Variants in GLI3 observed in about 807,000 individuals in gnomAD.
GLI3 encodes GLI family zinc finger 3.
A neutral mutation model predicts 100.8 loss-of-function variants in GLI3; 20 were observed. The observed-to-expected ratio is 0.20, with a 90% CI of 0.14 to 0.29. The LOEUF (loss-of-function observed/expected upper bound fraction) is 0.29, where lower values mean the gene tolerates loss of function less well. Ranked by LOEUF, GLI3 falls within the 10% of genes least tolerant of loss-of-function variation. The pLI is 1.00. For synonymous variants in GLI3, 938 were observed against 860.5 expected (o/e 1.09, Z -1.58); for missense variants, 2,040 against 2,128.5 (o/e 0.96, Z 0.82).
chr7:42,134,029 C>A (rs964245693), intron 3 of GLI3, among the ~76,000 whole-genome samples: 1 of 147,772 alleles, frequency 6.8e-6, no homozygotes, highest in Non-Finnish European at 1.5e-5. Context: ...TGCAGTGAGC[C>A]GAGATTGTGC....
intron 3 of GLI3, among the ~76,000 whole-genome samples, chr7:42,110,082 G>A (rs566243027): frequency 3.4e-4 from 51 of 152,196 alleles, no homozygotes; most frequent in Middle Eastern, 3.4e-3. Flanking sequence ...GCCTGAAGGC[G>A]GCCACAGATA....
At position 42,172,793 on chromosome 7, in the gene GLI3, A is replaced by G. The variant is rs374705385; in HGVS notation, c.125-24325T>C. ...TATCACCTTCTATTTAACAAAGCAC[A>G]AGCCATTTATGACTCTCAAAGAGCC... On this transcript the variant is annotated intron_variant, in intron 2 of 14. Coordinates refer to ENST00000395925, the MANE Select transcript of GLI3 (RefSeq NM_000168.6). 1.2e-4 allele frequency: 73 copies of G among 595,868 alleles called. 1 individual carries two copies. The South Asian group carries it at 1.4e-3, about 12-fold the overall frequency. 36.9% of individuals were successfully genotyped at this position (595,868 alleles called of 1,614,324 possible).
chr7:42,228,601 A>T (rs1788632437), intron 1 of GLI3, among the ~76,000 whole-genome samples: 1 of 152,190 alleles, frequency 6.6e-6, no homozygotes, highest in Non-Finnish European at 1.5e-5. Context: ...GGCTCTTTTA[A>T]CTGGCTGAAT....
chr7:42,199,353 A>AT (rs1445174800), intron 2 of GLI3, among the ~76,000 whole-genome samples: 1 of 152,184 alleles, frequency 6.6e-6, no homozygotes, highest in Non-Finnish European at 1.5e-5. Context: ...TCTATTTCTA[A>AT]TAAGTTTACA....
intron 3 of GLI3, among the ~76,000 whole-genome samples, chr7:42,092,894 A>G (rs1785256093): frequency 6.6e-6 from 1 of 151,434 alleles, no homozygotes; most frequent in Admixed American, 6.6e-5. Context: ...GCTCACTGCA[A>G]CCTCCGTCTC....
intron 4 of GLI3, among the ~76,000 whole-genome samples, chr7:42,071,924 T>C (rs1402105745): frequency 6.6e-6 from 1 of 151,742 alleles, no homozygotes; most frequent in African/African-American, 2.4e-5. Context: ...CTTACTTAGG[T>C]GGAATGATTC....
At chr7:42,114,917 A>G (rs10264834) in intron 3 of GLI3, among the ~76,000 whole-genome samples, 11,470 of 151,830 alleles carry the variant, frequency 0.076, 1,348 homozygotes, top group African/African-American at 0.25. Context: ...AGCCAGGCTG[A>G]TCTCAAACTC....
At position 42,199,853 on chromosome 7, in the gene GLI3, C is replaced by T. The variant is rs541161988; in HGVS notation, c.124+23277G>A. On this transcript the variant is annotated intron_variant, in intron 2 of 14. Coordinates refer to ENST00000395925, the MANE Select transcript of GLI3 (RefSeq NM_000168.6). ...GGCGGATCACATAAGGTCAGGAGTT[C>T]GAGACCAGCCTGGCCTACATGGTGA... Among the ~76,000 whole-genome samples, 6 of 152,206 alleles carry T rather than the reference C, an allele frequency of 3.9e-5. 1 individual carries two copies. In the South Asian group the frequency reaches 6.2e-4, roughly 16 times the overall value.
At chr7:42,179,181 C>T (rs1419719654) in intron 2 of GLI3, among the ~76,000 whole-genome samples, 1 of 152,152 alleles carries the variant, frequency 6.6e-6, no homozygotes, top group African/African-American at 2.4e-5. Context: ...TTTCCCTGCA[C>T]AAACTCTCCT....
chr7:42,206,318 G>C (rs1016794989), intron 2 of GLI3, among the ~76,000 whole-genome samples: 1 of 151,250 alleles, frequency 6.6e-6, no homozygotes, highest in South Asian at 2.1e-4. Context: ...AATTCTAAAG[G>C]GATACTTTTA....
At chr7:42,099,043 G>A (rs1186731710) in intron 3 of GLI3, among the ~76,000 whole-genome samples, 3 of 152,076 alleles carry the variant, frequency 2.0e-5, no homozygotes, top group Admixed American at 6.6e-5. Context: ...CTGCTCCCCC[G>A]TGCCAAGGAG....
chr7:42,076,935 A>G, intron 3 of GLI3, 78 bp from the exon 4 acceptor site: 1 of 831,336 alleles, frequency 1.2e-6, no homozygotes, highest in Non-Finnish European at 2.1e-6. Context: ...CAACATTGCT[A>G]TACTATTGTA....
chr7:42,054,315 T>A (rs1246176172), intron 4 of GLI3, among the ~76,000 whole-genome samples: 1 of 152,224 alleles, frequency 6.6e-6, no homozygotes, highest in African/African-American at 2.4e-5. Context: ...TTTTCATCTA[T>A]CTTACTAGGT....
At chr7:42,045,829 T>A (rs1031009416) in intron 5 of GLI3, among the ~76,000 whole-genome samples, 1 of 152,212 alleles carries the variant, frequency 6.6e-6, no homozygotes, top group Non-Finnish European at 1.5e-5. Context: ...ATAACCACAT[T>A]TGCCCCCCAA....
chr7:42,063,768 T>A (rs964192197), intron 4 of GLI3, among the ~76,000 whole-genome samples: 32 of 152,204 alleles, frequency 2.1e-4, no homozygotes, highest in African/African-American at 7.2e-4. Context: ...CTTTGCTGAA[T>A]CCTTGATATA....
chr7:42,251,499 C>T (rs1789031478), intron 1 of GLI3, among the ~76,000 whole-genome samples: 1 of 152,110 alleles, frequency 6.6e-6, no homozygotes, highest in Admixed American at 6.6e-5. Flanking sequence ...TGGGGACCCC[C>T]CTGCTCTAGT....
intron 2 of GLI3, among the ~76,000 whole-genome samples, chr7:42,168,663 C>A (rs1787296662): frequency 6.6e-6 from 1 of 152,174 alleles, no homozygotes; most frequent in South Asian, 2.1e-4. Flanking sequence ...TGCCTGCAAT[C>A]TCTGCACCTT....
chr7:42,237,258 A>C (rs2128707867), upstream of GLI3, among the ~76,000 whole-genome samples: 1 of 150,980 alleles, frequency 6.6e-6, no homozygotes, highest in African/African-American at 2.4e-5. Flanking sequence ...CCGCTCGTGC[A>C]GCTCCGGCAT....
intron 7 of GLI3, among the ~76,000 whole-genome samples, chr7:42,035,551 G>C (rs1245747822): frequency 6.6e-6 from 1 of 152,178 alleles, no homozygotes; most frequent in East Asian, 1.9e-4. Flanking sequence ...GGTCACACCA[G>C]AATTAAAACC....
Sources: gnomAD v4.1 joint callset for allele counts (sites outside exome capture counted in the v4.1 genomes callset) on GRCh38, gnomAD v4.1.1 for gene constraint, MANE v1.5 for transcripts, NCBI Gene and HGNC (gene_info 2026-07-23, HGNC 2026-07-21) for gene names.